The following RIC1 variants were observed in gnomAD, a reference collection of about 807,000 sequenced individuals.
RIC1 encodes the protein guanine nucleotide exchange factor subunit RIC1.
RIC1 carries 88 observed loss-of-function variants against 169.0 expected under a neutral mutation model. That is an observed-to-expected ratio of 0.52 (90% CI 0.44 to 0.62). The LOEUF (loss-of-function observed/expected upper bound fraction) is 0.62, where lower values mean the gene tolerates loss of function less well. RIC1 is among the 20% of genes least tolerant of loss of function. RIC1 has a pLI of 0.00. For missense variants in RIC1, 1,877 were observed against 1,725.5 expected (o/e 1.09, Z -1.56); for synonymous variants, 790 against 601.5 (o/e 1.31, Z -4.59).
At chr9:5,681,046 T>TA (rs1410829769) in intron 2 of RIC1, among the ~76,000 whole-genome samples, 4 of 151,564 alleles carry the variant, frequency 2.6e-5, no homozygotes, top group Non-Finnish European at 5.9e-5. Flanking sequence ...CAGGATGGTC[T>TA]CGATCTCCTG....
At chr9:5,682,384 T>G (rs1034968054) in intron 2 of RIC1, among the ~76,000 whole-genome samples, 2 of 152,178 alleles carry the variant, frequency 1.3e-5, no homozygotes, top group African/African-American at 4.8e-5. Flanking sequence ...CATTTGCCTG[T>G]CTGTAAAGGA....
intron 1 of RIC1, among the ~76,000 whole-genome samples, chr9:5,645,501 T>A (rs915997785): frequency 1.3e-5 from 2 of 152,216 alleles, no homozygotes; most frequent in African/African-American, 4.8e-5. Context: ...TCCAGAACTT[T>A]CATTTTCATT....
chr9:5,687,705 G>A (rs181861471), intron 2 of RIC1, among the ~76,000 whole-genome samples: 1 of 151,998 alleles, frequency 6.6e-6, no homozygotes, highest in Admixed American at 6.5e-5. Context: ...TTTTACACAC[G>A]GTATAAACCC....
At chr9:5,680,082 G>C (rs570267715) in intron 2 of RIC1, among the ~76,000 whole-genome samples, 1 of 152,120 alleles carries the variant, frequency 6.6e-6, no homozygotes, top group East Asian at 1.9e-4. Context: ...GGCCTTTTCT[G>C]CATCTATTGA....
intron 23 of RIC1, 140 bp downstream of exon 23, chr9:5,770,418 T>G: frequency 2.6e-6 from 2 of 768,350 alleles, no homozygotes; most frequent in South Asian, 4.4e-5. Flanking sequence ...GGTAGAAAGT[T>G]TGTAGAACAA....
At chr9:5,708,233 C>G (rs1466772439) in intron 3 of RIC1, among the ~76,000 whole-genome samples, 1 of 152,048 alleles carries the variant, frequency 6.6e-6, no homozygotes. Context: ...CATCTTTATA[C>G]ATTGTGTAAC....
chr9:5,687,921 TG>T lies in RIC1; in HGVS notation c.253-2037del, dbSNP rs1322789016. On this transcript the variant is annotated intron_variant, in intron 2 of 25. Transcript: ENST00000414202. ...GTTTCTGTTTTATTTTGGGTTTTTT[TG>T]TGTGTGTGTGTGTTTCATTATGGAT... is the stretch of plus-strand genomic sequence containing the variant. Among the ~76,000 whole-genome samples, 15 of 149,834 alleles carry T rather than the reference TG, an allele frequency of 1.0e-4. No homozygotes were observed. The East Asian group carries it at 1.5e-3, about 15-fold the overall frequency.
At chr9:5,648,708 A>C (rs764537013) in intron 1 of RIC1, among the ~76,000 whole-genome samples, 2 of 152,144 alleles carry the variant, frequency 1.3e-5, no homozygotes, top group Non-Finnish European at 2.9e-5. Context: ...TTGCTATTCT[A>C]ACTGGGTTAA....
At chr9:5,629,811 A>G (rs919240036) in intron 1 of RIC1, among the ~76,000 whole-genome samples, 2 of 152,198 alleles carry the variant, frequency 1.3e-5, no homozygotes, top group Admixed American at 6.5e-5. Flanking sequence ...ACTTTCCACA[A>G]TTAGAAATCC....
chr9:5,763,343 C>G lies in RIC1; in HGVS notation c.2316C>G (p.Phe772Leu). The change falls in exon 19 of 26, where the codon TTC becomes TTG. Residue 772 changes from phenylalanine (F) to leucine (L), a missense_variant. Around this residue, in one of 3 missense-constraint regions of RIC1, gnomAD observed 1,104 missense variants for 992.0 expected, o/e 1.11. Transcript: ENST00000414202. The surrounding 1 kb of genome is among the most constrained non-coding windows in gnomAD (Gnocchi z 5.2). ...TGTCCCAGCGGATCATGCTGCCTTT[C>G]CACATCAACATTTACCCGCTAGCTG... ...SFLSQRIMLPFHINIYPLAVL... is the reference protein window; with the variant it reads ...SFLSQRIMLPLHINIYPLAVL... The G allele has an allele frequency of 1.2e-6, 2 of 1,614,184 alleles. No homozygotes were observed. Among genetic ancestry groups the G allele is most frequent in the South Asian group, 1.1e-5 (1 of 91,086 alleles).
At chr9:5,739,213 A>G (rs1019963227) in intron 8 of RIC1, among the ~76,000 whole-genome samples, 5 of 152,112 alleles carry the variant, frequency 3.3e-5, no homozygotes, top group Non-Finnish European at 5.9e-5. Flanking sequence ...CCCTTCCTCT[A>G]CATTAAACCA....
intron 1 of RIC1, among the ~76,000 whole-genome samples, chr9:5,632,127 G>T (rs756491667): frequency 2.0e-5 from 3 of 152,178 alleles, no homozygotes; most frequent in Non-Finnish European, 4.4e-5. Flanking sequence ...AGACATGCTC[G>T]TAGAGATGAT....
At position 5,658,446 on chromosome 9, in the gene RIC1, A is replaced by C. The variant is rs1167983027; in HGVS notation, c.252+1756A>C. Among the ~76,000 whole-genome samples the C allele has an allele frequency of 3.3e-5, 5 of 152,104 alleles. No individual in the cohort carries two copies. The East Asian group carries it at 9.6e-4, about 29-fold the overall frequency. ...AAAGTAAGTTTGCTTAGTTTTTGATAAATTGACAGATGTTATAATACTGCT... is the reference window on the plus strand; with the variant it reads ...AAAGTAAGTTTGCTTAGTTTTTGATCAATTGACAGATGTTATAATACTGCT... On this transcript the variant is annotated intron_variant, in intron 2 of 25. Transcript: ENST00000414202.
chr9:5,645,094 A>G (rs780324762), intron 1 of RIC1, among the ~76,000 whole-genome samples: 2 of 151,974 alleles, frequency 1.3e-5, no homozygotes, highest in Non-Finnish European at 2.9e-5. Context: ...TCCTTTGTCC[A>G]TTTAAAAAAA....
intron 2 of RIC1, among the ~76,000 whole-genome samples, chr9:5,665,888 G>C (rs1819721787): frequency 6.6e-6 from 1 of 152,186 alleles, no homozygotes; most frequent in Non-Finnish European, 1.5e-5. Context: ...GACCTCTGTT[G>C]GGAGATGTCA....
chr9:5,649,814 G>GT (rs1818706288), intron 1 of RIC1, among the ~76,000 whole-genome samples: 1 of 151,562 alleles, frequency 6.6e-6, no homozygotes, highest in African/African-American at 2.4e-5. Flanking sequence ...GCTTCTTCCA[G>GT]TTTTTTAGAT....
intron 3 of RIC1, among the ~76,000 whole-genome samples, chr9:5,699,596 T>C (rs1342535524): frequency 1.3e-5 from 2 of 151,914 alleles, no homozygotes; most frequent in African/African-American, 4.8e-5. Flanking sequence ...TCCACACAAG[T>C]GGTAAGGGCA....
chr9:5,767,341 CTA>C (rs1363811192), intron 21 of RIC1, among the ~76,000 whole-genome samples: 1 of 152,192 alleles, frequency 6.6e-6, no homozygotes, highest in Non-Finnish European at 1.5e-5. Flanking sequence ...TGAGAGATGA[CTA>C]TGAATTCACA....
intron 3 of RIC1, among the ~76,000 whole-genome samples, chr9:5,698,894 C>T (rs532210333): frequency 6.6e-6 from 1 of 152,164 alleles, no homozygotes; most frequent in Non-Finnish European, 1.5e-5. Flanking sequence ...AGTTCATTAA[C>T]TGCGAGGTTT....
Sources: allele counts gnomAD v4.1 joint callset (sites outside exome capture counted in the v4.1 genomes callset), GRCh38; gene constraint gnomAD v4.1.1; regional missense constraint gnomAD v4.1.1; non-coding constraint Gnocchi (gnomAD v3.1); transcripts MANE v1.5; gene names NCBI Gene and HGNC (gene_info 2026-07-23, HGNC 2026-07-21).